Variants in COMTD1 observed in about 807,000 individuals in gnomAD.
COMTD1 encodes the protein catechol O-methyltransferase domain-containing protein 1.
A neutral mutation model predicts 33.6 loss-of-function variants in COMTD1; 35 were observed. The ratio of observed to expected loss-of-function variants is 1.04; its 90% CI spans 0.80 to 1.38. COMTD1 has a LOEUF of 1.38. COMTD1 is among the 40% of genes most tolerant of loss of function. The probability of loss-of-function intolerance (pLI) is 0.00; values close to 1 mark genes in which losing one functional copy is unlikely to be tolerated. For missense variants in COMTD1, 370 were observed against 363.4 expected (o/e 1.02, Z -0.15); for synonymous variants, 160 against 176.8 (o/e 0.91, Z 0.75).
chr10:75,233,827 A>G lies in COMTD1; in HGVS notation c.*246T>C, dbSNP rs1842145646. The G allele has an allele frequency of 1.1e-6, 1 of 944,366 alleles. No individual in the cohort carries two copies. The allele number at this position is 944,366 out of a possible 1,614,324, so 58.5% of individuals were successfully genotyped here. On this transcript the variant is annotated 3_prime_UTR_variant, in exon 7 of 7. Transcript: ENST00000372538. ...AAAACTTTATAACCTGCCTCCTGCC[A>G]GCTGGAGGTTCCTGCAGTTGGGCCA...
chr10:75,235,323 G>T lies in COMTD1; in HGVS notation c.272C>A (p.Ala91Asp). 6.3e-7 allele frequency: 1 copy of T among 1,594,808 alleles called. No individual in the cohort carries two copies. ...QGDSMMTCEQAQLLANLARLI... is the reference protein window; with the variant it reads ...QGDSMMTCEQDQLLANLARLI... The stretch of plus-strand genomic sequence containing the variant: ...CCGCGCCAGGTTGGCCAAGAGCTGG[G>T]CCTGCTCGCAGGTCATCATAGAATC... Residue 91 changes from alanine (A) to aspartate (D), a missense_variant, in exon 3 of 7, where the codon GCC (alanine) becomes GAC (aspartate). Coordinates refer to ENST00000372538, the MANE Select transcript of COMTD1 (RefSeq NM_144589.4).
chr10:75,235,263 C>A lies in COMTD1; in HGVS notation c.328+4G>T. On this transcript the variant is annotated splice_donor_region_variant and intron_variant, in intron 3 of 6. Coordinates refer to ENST00000372538, the MANE Select transcript of COMTD1 (RefSeq NM_144589.4). ...CCTCCGGGATCCCGGCCGCGTGCCC[C>A]TACCCAGGTCCAGCGCCTTCTTGGC... is the stretch of plus-strand genomic sequence containing the variant. 1 of 1,547,068 alleles carries A rather than the reference C, an allele frequency of 6.5e-7. No individual in the cohort carries two copies. The highest frequency in any genetic ancestry group is 8.7e-7 in the Non-Finnish European group (1 of 1,149,760).
rs780527229 is a variant in COMTD1 at position 75,234,189 on chromosome 10, C to G, written c.673G>C (p.Gly225Arg). 8 of 1,613,432 alleles carry G rather than the reference C, an allele frequency of 5.0e-6. No individual in the cohort carries two copies. Among genetic ancestry groups the G allele is most frequent in the Middle Eastern group, 3.3e-4 (2 of 6,062 alleles). Reference protein sequence around the residue: ...WRGKVLQPPKGDVAAECVRNL... With the variant: ...WRGKVLQPPKRDVAAECVRNL... The stretch of plus-strand genomic sequence containing the variant: ...CGCACACACTCGGCCGCCACGTCCC[C>G]TTTCGGAGGTTGCAGCACCTTCCCG... Residue 225 changes from glycine (G) to arginine (R), a missense_variant, in exon 7 of 7, where the codon GGG becomes CGG. Physicochemically the swap from Gly to Arg is moderately radical, Grantham distance 125 (BLOSUM62 -2). Transcript: ENST00000372538.
intron 1 of COMTD1, 21 bp from the exon 2 acceptor site, chr10:75,235,764 G>C: frequency 6.3e-7 from 1 of 1,589,718 alleles, no homozygotes; most frequent in Non-Finnish European, 8.5e-7. Flanking sequence ...GAGGGTGTTG[G>C]ATTAACCTGA....
At chr10:75,234,280 G>C (rs1424387964) in intron 6 of COMTD1, 55 bp from the exon 7 acceptor site, 4 of 1,553,272 alleles carry the variant, frequency 2.6e-6, no homozygotes, top group Non-Finnish European at 3.5e-6. Context: ...GGAGGGAGGT[G>C]CTCGGGCGGA....
At position 75,233,900 on chromosome 10, in the gene COMTD1, A is replaced by T; in HGVS notation, c.*173T>A. 1 of 1,448,940 alleles carries T rather than the reference A, an allele frequency of 6.9e-7. No homozygotes were observed. The highest frequency in any genetic ancestry group is 9.1e-7 in the Non-Finnish European group (1 of 1,102,474). The allele number at this position is 1,448,940 out of a possible 1,614,324, so 89.8% of individuals were successfully genotyped here. The stretch of plus-strand genomic sequence containing the variant: ...ACGAATCTCAAGGCCCCTTTCACTG[A>T]AGGCAGGAGCTGTCTGTGCTGGGCC... On this transcript the variant is annotated 3_prime_UTR_variant, in exon 7 of 7. Coordinates refer to ENST00000372538, the MANE Select transcript of COMTD1 (RefSeq NM_144589.4).
chr10:75,234,188 C>G lies in COMTD1; in HGVS notation c.674G>C (p.Gly225Ala). 6.2e-7 allele frequency: 1 copy of G among 1,613,480 alleles called. No individual in the cohort carries two copies. The highest frequency in any genetic ancestry group is 8.5e-7 in the Non-Finnish European group (1 of 1,180,026). ...TCGCACACACTCGGCCGCCACGTCCCCTTTCGGAGGTTGCAGCACCTTCCC... is the reference window on the plus strand; with the variant it reads ...TCGCACACACTCGGCCGCCACGTCCGCTTTCGGAGGTTGCAGCACCTTCCC... ...WRGKVLQPPK[G>A]DVAAECVRNL... is the part of the protein sequence containing the mutation. The change falls in exon 7 of 7, where the codon GGG (glycine) becomes GCG (alanine). Residue 225 changes from glycine (G) to alanine (A), a missense_variant. Physicochemically the swap from Gly to Ala is moderately conservative, Grantham distance 60. Coordinates refer to ENST00000372538, the MANE Select transcript of COMTD1 (RefSeq NM_144589.4).
chr10:75,235,522 C>G, intron 2 of COMTD1, 94 bp downstream of exon 2: 1 of 1,416,798 alleles, frequency 7.1e-7, no homozygotes, highest in Non-Finnish European at 9.2e-7. Flanking sequence ...GCCGGAAGCC[C>G]AGGGAGGGCC....
chr10:75,234,163 TCGCACACACTCGGC>T lies in COMTD1; in HGVS notation c.685_698del (p.Ala229LysfsTer67), dbSNP rs1297708556. ...CCCGCCGGATGCGTTCGTTTAGGTT[TCGCACACACTCGGC>T]CGCCACGTCCCCTTTCGGAGGTTGC... On this transcript the variant is annotated frameshift_variant, in exon 7 of 7. Transcript: ENST00000372538. LOFTEE classifies it high-confidence loss of function. 6.2e-7 allele frequency: 1 copy of T among 1,613,646 alleles called. No homozygotes were observed. Among genetic ancestry groups the T allele is most frequent in the African/African-American group, 1.3e-5 (1 of 75,042 alleles).
At chr10:75,235,797 G>GGGC in intron 1 of COMTD1, 38 bp downstream of exon 1, 59 of 1,538,024 alleles carry the variant, frequency 3.8e-5, no homozygotes, top group Non-Finnish European at 5.1e-5. Context: ...CCTACTCTGC[G>GGGC]CCCGCCCACC....
chr10:75,235,467 G>A, intron 2 of COMTD1, 95 bp from the exon 3 acceptor site: 1 of 1,341,020 alleles, frequency 7.5e-7, no homozygotes, highest in Non-Finnish European at 9.9e-7. Flanking sequence ...GGCGTGGCCT[G>A]GGGGACTGGC....
intron 5 of COMTD1, 92 bp from the exon 6 acceptor site, chr10:75,234,835 G>A: frequency 1.3e-6 from 2 of 1,525,842 alleles, no homozygotes; most frequent in East Asian, 2.5e-5. Flanking sequence ...TGTGACAACC[G>A]GCCCTGCCCT....
At position 75,235,679 on chromosome 10, in the gene COMTD1, G is replaced by A. The variant is rs1842181211; in HGVS notation, c.159C>T (p.Arg53=). The change falls in exon 2 of 7, where the codon CGC becomes CGT. Residue 53 remains arginine, a synonymous_variant. Transcript: ENST00000372538. ...EQCLLPPEDS[R]LWQYLLSRSM... ...AGCGGCTCAGAAGATACTGCCACAG[G>A]CGGCTGTCCTCGGGGGGAAGCAGGC... 2 of 1,598,098 alleles carry A rather than the reference G, an allele frequency of 1.3e-6. No individual in the cohort carries two copies. Among genetic ancestry groups the A allele is most frequent in the African/African-American group, 2.7e-5 (2 of 74,494 alleles).
Position 75,235,876 on chromosome 10 carries a change from G to A in COMTD1, c.53C>T (p.Ser18Leu). The change falls in exon 1 of 7, where the codon TCA (serine) becomes TTA (leucine). Residue 18 changes from serine (S) to leucine (L), a missense_variant. Coordinates refer to ENST00000372538, the MANE Select transcript of COMTD1 (RefSeq NM_144589.4). ...GGCGAAGGCGGCGCCCAGTGCGGCT[G>A]AGCCCAGGGCCAGCGCGGCGGGCAC... ...LSVPAALALG[S>L]AALGAAFATG... The A allele has an allele frequency of 6.6e-7, 1 of 1,519,822 alleles. No individual in the cohort carries two copies. Among genetic ancestry groups the A allele is most frequent in the Non-Finnish European group, 8.8e-7 (1 of 1,140,080 alleles). 94.1% of individuals were successfully genotyped at this position (1,519,822 alleles called of 1,614,324 possible).
chr10:75,235,681 G>A lies in COMTD1; in HGVS notation c.157C>T (p.Arg53Cys). The change falls in exon 2 of 7, where the codon CGC becomes TGC. Residue 53 changes from arginine (R) to cysteine (C), a missense_variant. Transcript: ENST00000372538. Reference protein sequence around the residue: ...EQCLLPPEDSRLWQYLLSRSM... With the variant: ...EQCLLPPEDSCLWQYLLSRSM... ...CGGCTCAGAAGATACTGCCACAGGC[G>A]GCTGTCCTCGGGGGGAAGCAGGCAC... is the stretch of plus-strand genomic sequence containing the variant. 6.3e-7 allele frequency: 1 copy of A among 1,597,642 alleles called. No individual in the cohort carries two copies. The highest frequency in any genetic ancestry group is 8.5e-7 in the Non-Finnish European group (1 of 1,173,664).
intron 2 of COMTD1, 118 bp downstream of exon 2, chr10:75,235,498 C>T: frequency 1.4e-6 from 2 of 1,383,524 alleles, no homozygotes; most frequent in South Asian, 3.0e-5. Flanking sequence ...GCCCACCGCA[C>T]CCGGCCCAGG....
chr10:75,235,752 G>A lies in COMTD1; in HGVS notation c.95-9C>T, dbSNP rs1452450285. ...TGGGGGGCACCGCCTCCCTGACGGGGAGAGGGTGTTGGATTAACCTGAGCC... is the reference window on the plus strand; with the variant it reads ...TGGGGGGCACCGCCTCCCTGACGGGAAGAGGGTGTTGGATTAACCTGAGCC... On this transcript the variant is annotated splice_polypyrimidine_tract_variant and intron_variant, in intron 1 of 6. Transcript: ENST00000372538. The A allele has an allele frequency of 6.3e-7, 1 of 1,596,216 alleles. No homozygotes were observed. The highest frequency in any genetic ancestry group is 1.3e-5 in the African/African-American group (1 of 74,492).
chr10:75,234,109 G>A lies in COMTD1; in HGVS notation c.753C>T (p.Pro251=), dbSNP rs1168645715. The A allele has an allele frequency of 1.9e-6, 3 of 1,613,974 alleles. No homozygotes were observed. In the Admixed American group the frequency reaches 5.0e-5, roughly 27 times the overall value. ...AGGCCAAGGTGAGTCCATCGCCCAG[G>A]GGCAGGAGGCTGATGTAGACCCTGA... ...RDVRVYISLL[P]LGDGLTLAFK... The change falls in exon 7 of 7, where the codon CCC becomes CCT. Residue 251 remains proline (P), a synonymous_variant. Coordinates refer to ENST00000372538, the MANE Select transcript of COMTD1 (RefSeq NM_144589.4).
intron 6 of COMTD1, 156 bp downstream of exon 6, chr10:75,234,454 C>T: frequency 8.1e-7 from 1 of 1,241,126 alleles, no homozygotes; most frequent in Non-Finnish European, 1.1e-6. Flanking sequence ...AGAACCAAAG[C>T]GGAGGAAAGC....
Sources: gnomAD v4.1 joint callset for allele counts on GRCh38, gnomAD v4.1.1 for gene constraint, MANE v1.5 for transcripts, NCBI Gene and HGNC (gene_info 2026-07-23, HGNC 2026-07-21) for gene names.